SYT16: variants seen among roughly 807,000 people sequenced by gnomAD.
SYT16 encodes the protein synaptotagmin 16.
Under a neutral mutation model 61.4 loss-of-function variants are expected in SYT16, and 42 were observed. That is an observed-to-expected ratio of 0.68 (90% CI 0.53 to 0.89). The LOEUF is 0.89. SYT16 is among the 40% of genes least tolerant of loss of function. The probability of loss-of-function intolerance (pLI) is 0.00; values close to 1 mark genes in which losing one functional copy is unlikely to be tolerated. For missense variants in SYT16, 804 were observed against 807.3 expected (o/e 1.00, Z 0.05); for synonymous variants, 314 against 302.3 (o/e 1.04, Z -0.40).
chr14:61,872,759 C>T (rs1594799473), intron 1 of SYT16, among the ~76,000 whole-genome samples: 1 of 152,314 alleles, frequency 6.6e-6, no homozygotes, highest in South Asian at 2.1e-4. Context: ...GACGTTGGTT[C>T]AGCTGCCCTC....
At chr14:61,992,294 T>C (rs929093139) in intron 2 of SYT16, among the ~76,000 whole-genome samples, 2 of 152,094 alleles carry the variant, frequency 1.3e-5, no homozygotes, top group South Asian at 4.1e-4. Context: ...ACAGTCACTT[T>C]GGAAAATGCT....
chr14:62,030,910 A>AT (rs1278760350), intron 3 of SYT16, among the ~76,000 whole-genome samples: 1 of 152,198 alleles, frequency 6.6e-6, no homozygotes, highest in Non-Finnish European at 1.5e-5. Context: ...AGGTTGAATA[A>AT]TGTGCTCCCA....
At chr14:61,873,725 A>G (rs1256974356) in intron 1 of SYT16, among the ~76,000 whole-genome samples, 1 of 152,218 alleles carries the variant, frequency 6.6e-6, no homozygotes, top group Non-Finnish European at 1.5e-5. Flanking sequence ...ACCATTTCCT[A>G]TTCTGACCAG....
At chr14:61,976,216 T>C (rs2051790426) in intron 2 of SYT16, among the ~76,000 whole-genome samples, 1 of 152,224 alleles carries the variant, frequency 6.6e-6, no homozygotes, top group African/African-American at 2.4e-5. Flanking sequence ...CCTGTGGCTC[T>C]GCAGGGTTCA....
At chr14:61,975,002 G>T (rs2051725415) in intron 2 of SYT16, among the ~76,000 whole-genome samples, 1 of 152,242 alleles carries the variant, frequency 6.6e-6, no homozygotes, top group Admixed American at 6.5e-5. Context: ...GGTGTGGCCA[G>T]ATTCTTTTTG....
At chr14:62,004,790 T>C (rs1396538621) in intron 3 of SYT16, among the ~76,000 whole-genome samples, 7 of 152,132 alleles carry the variant, frequency 4.6e-5, no homozygotes, top group Non-Finnish European at 8.8e-5. Context: ...CTTGAAGAGG[T>C]GCTCTTCATT....
intron 1 of SYT16, among the ~76,000 whole-genome samples, chr14:61,821,221 A>T (rs2045610263): frequency 1.4e-5 from 2 of 138,658 alleles, no homozygotes; most frequent in Non-Finnish European, 3.3e-5. Flanking sequence ...TATTTCTTAG[A>T]CTTTTTAGAA....
chr14:62,065,768 G>C (rs2056036262), intron 3 of SYT16, among the ~76,000 whole-genome samples: 1 of 152,184 alleles, frequency 6.6e-6, no homozygotes, highest in Non-Finnish European at 1.5e-5. Flanking sequence ...GAAGTAGTTT[G>C]ATTTTGTTCC....
At chr14:62,086,272 G>C (rs1031339884) in intron 7 of SYT16, among the ~76,000 whole-genome samples, 1 of 152,030 alleles carries the variant, frequency 6.6e-6, no homozygotes, top group Admixed American at 6.5e-5. Context: ...TCAGGCCAGG[G>C]GTTTGAGACC....
intron 4 of SYT16, among the ~76,000 whole-genome samples, chr14:62,070,458 T>G (rs2056255609): frequency 1.3e-5 from 2 of 152,146 alleles, no homozygotes; most frequent in African/African-American, 4.8e-5. Context: ...TTTTCCAGCA[T>G]CATCATCCTA....
At position 61,968,789 on chromosome 14, in the gene SYT16, T is replaced by C. The variant is rs1486444619; in HGVS notation, c.-324-1343T>C. ...TGTCATTTCAACCAAGCGCTGTGAC[T>C]GCTGATCCCTTGCCTATAACTACTG... On this transcript the variant is annotated intron_variant, in intron 1 of 7. Coordinates refer to ENST00000683842, the MANE Select transcript of SYT16 (RefSeq NM_001367656.1). Among the ~76,000 whole-genome samples the C allele has an allele frequency of 2.6e-5, 4 of 152,232 alleles. No homozygotes were observed. The East Asian group carries it at 5.8e-4, about 22-fold the overall frequency.
intron 3 of SYT16, among the ~76,000 whole-genome samples, chr14:62,035,505 C>T (rs1482643703): frequency 6.6e-6 from 1 of 152,044 alleles, no homozygotes; most frequent in African/African-American, 2.4e-5. Flanking sequence ...TATTTAATTC[C>T]ATCAAAGAGA....
chr14:61,967,837 G>A (rs941285816), intron 1 of SYT16, among the ~76,000 whole-genome samples: 2 of 152,128 alleles, frequency 1.3e-5, no homozygotes, highest in Non-Finnish European at 2.9e-5. Flanking sequence ...ACTTATAAAT[G>A]AAATGACTTA....
At chr14:61,814,857 C>T (rs574102409) in intron 1 of SYT16, among the ~76,000 whole-genome samples, 4 of 152,256 alleles carry the variant, frequency 2.6e-5, no homozygotes, top group East Asian at 1.9e-4. Flanking sequence ...AAAAATTTCC[C>T]GCAAAGCTTG....
Position 62,102,066 on chromosome 14 carries a change from C to T in SYT16, c.*1359C>T, listed in dbSNP as rs2057430415. On this transcript the variant is annotated 3_prime_UTR_variant, in exon 8 of 8. Coordinates refer to ENST00000683842, the MANE Select transcript of SYT16 (RefSeq NM_001367656.1). ...TTTAATCCCTGCGCTCAATGTGCAG[C>T]TCTTCTGAGCAATTGCTCAGTCACC... 1 of 152,212 alleles carries T rather than the reference C, an allele frequency of 6.6e-6. No individual in the cohort carries two copies. The highest frequency in any genetic ancestry group is 2.4e-5 in the African/African-American group (1 of 41,460). The allele number at this position is 152,212 out of a possible 1,614,324, so 9.4% of individuals were successfully genotyped here.
In SYT16 at chr14:61,995,866, T is replaced by A; in HGVS notation, c.-144-10T>A. On this transcript the variant is annotated splice_polypyrimidine_tract_variant and intron_variant, in intron 2 of 7. Transcript: ENST00000683842. ...TTAACAGGTGTAAGTATTTCTTTCCTCTGTTTCAGCTGGAAGTTTTGAGAG... is the reference window on the plus strand; with the variant it reads ...TTAACAGGTGTAAGTATTTCTTTCCACTGTTTCAGCTGGAAGTTTTGAGAG... The A allele has an allele frequency of 1.4e-6, 1 of 726,484 alleles. No individual in the cohort carries two copies. Among genetic ancestry groups the A allele is most frequent in the Non-Finnish European group, 2.1e-6 (1 of 467,682 alleles). The allele number at this position is 726,484 out of a possible 1,614,324, so 45.0% of individuals were successfully genotyped here. A position where few individuals can be genotyped will look rare whatever the true frequency, so the allele number is the denominator to read the frequency against.
chr14:62,041,402 A>G (rs2054724908), intron 3 of SYT16, among the ~76,000 whole-genome samples: 1 of 152,216 alleles, frequency 6.6e-6, no homozygotes, highest in Admixed American at 6.5e-5. Context: ...TAAGGAATTT[A>G]TTATATGCCT....
intron 1 of SYT16, among the ~76,000 whole-genome samples, chr14:61,837,661 A>G (rs1001168469): frequency 6.6e-6 from 1 of 152,028 alleles, no homozygotes; most frequent in African/African-American, 2.4e-5. Flanking sequence ...CTCAGTGGAA[A>G]AGTCCTCTAG....
intron 1 of SYT16, among the ~76,000 whole-genome samples, chr14:61,915,167 A>G (rs1178824911): frequency 6.6e-6 from 1 of 152,106 alleles, no homozygotes; most frequent in Non-Finnish European, 1.5e-5. Context: ...GGATAGCCGG[A>G]TGGTCAACAA....
Sources: gnomAD v4.1 joint callset for allele counts (sites outside exome capture counted in the v4.1 genomes callset) on GRCh38, gnomAD v4.1.1 for gene constraint, MANE v1.5 for transcripts, NCBI Gene and HGNC (gene_info 2026-07-23, HGNC 2026-07-21) for gene names.